KLF12: variants seen among roughly 807,000 people sequenced by gnomAD.
KLF12 encodes the protein KLF transcription factor 12.
In KLF12, 9 loss-of-function variants were observed where a neutral mutation model predicts 37.8. That is an observed-to-expected ratio of 0.24 (90% CI 0.14 to 0.42). The LOEUF is 0.42. Among genes scored for constraint, KLF12 ranks in the 10% least tolerant of loss-of-function variants. KLF12 has a pLI of 1.00. For missense variants in KLF12, 411 were observed against 516.0 expected (o/e 0.80, Z 1.97); for synonymous variants, 208 against 202.1 (o/e 1.03, Z -0.25).
intron 1 of KLF12, among the ~76,000 whole-genome samples, chr13:74,012,812 AC>A (rs147082948): frequency 0.071 from 10,788 of 152,272 alleles, 501 homozygotes; most frequent in Non-Finnish European, 0.1. Flanking sequence ...TACTTAAAAA[AC>A]AATCACATAT....
chr13:73,843,309 C>CTT (rs549107140), intron 4 of KLF12, among the ~76,000 whole-genome samples: 1 of 143,274 alleles, frequency 7.0e-6, no homozygotes, highest in African/African-American at 2.6e-5. Context: ...ACATTATGTT[C>CTT]TTTTTTTTTT....
chr13:74,144,720 G>A, the KLF12 span, among the ~76,000 whole-genome samples: 2 of 152,030 alleles, frequency 1.3e-5, no homozygotes. Context: ...CTATAGAAAG[G>A]GCAAATAAAT....
the KLF12 span, among the ~76,000 whole-genome samples, chr13:74,239,437 T>G: frequency 8.3e-6 from 1 of 120,312 alleles, no homozygotes; most frequent in Non-Finnish European, 1.7e-5. Flanking sequence ...GGTGGAGAGT[T>G]CTGTAGATGT....
At chr13:73,831,511 CCTTT>C (rs1884156060) in intron 4 of KLF12, among the ~76,000 whole-genome samples, 1 of 152,100 alleles carries the variant, frequency 6.6e-6, no homozygotes, top group Non-Finnish European at 1.5e-5. Context: ...GATAATTTAA[CCTTT>C]CTTTCATTAC....
At chr13:73,875,206 G>A (rs1157569493) in intron 3 of KLF12, among the ~76,000 whole-genome samples, 1 of 151,818 alleles carries the variant, frequency 6.6e-6, no homozygotes, top group Non-Finnish European at 1.5e-5. Flanking sequence ...ATATAAGTTA[G>A]GAAGCATAAT....
At chr13:73,889,925 A>C (rs1297857901) in intron 3 of KLF12, among the ~76,000 whole-genome samples, 5 of 152,136 alleles carry the variant, frequency 3.3e-5, no homozygotes, top group Non-Finnish European at 7.4e-5. Context: ...TAAAAAAAGA[A>C]CCTTAAAGCT....
intron 6 of KLF12, among the ~76,000 whole-genome samples, chr13:73,750,318 A>G (rs1261129100): frequency 2.0e-5 from 3 of 152,326 alleles, no homozygotes; most frequent in Non-Finnish European, 2.9e-5. Context: ...AATTTGGACA[A>G]AATCATTCAA....
At chr13:74,156,620 A>T in the KLF12 span, among the ~76,000 whole-genome samples, 1 of 150,958 alleles carries the variant, frequency 6.6e-6, no homozygotes, top group Non-Finnish European at 1.5e-5. Flanking sequence ...CCCACCCCCA[A>T]ACCCCCCACT....
At chr13:73,973,645 A>T (rs1891410826) in intron 2 of KLF12, among the ~76,000 whole-genome samples, 1 of 70,928 alleles carries the variant, frequency 1.4e-5, no homozygotes, top group African/African-American at 4.6e-5. Context: ...AACACAAGAC[A>T]TAGAACATCT....
At chr13:73,861,776 C>T (rs1206859880) in intron 3 of KLF12, among the ~76,000 whole-genome samples, 1 of 152,016 alleles carries the variant, frequency 6.6e-6, no homozygotes, top group African/African-American at 2.4e-5. Context: ...AACATATATA[C>T]ATGCACCTCC....
intron 3 of KLF12, among the ~76,000 whole-genome samples, chr13:73,873,015 A>G (rs1177627066): frequency 6.6e-6 from 1 of 152,110 alleles, no homozygotes. Context: ...TGGTGCTGTT[A>G]GGTGCCTCTC....
At chr13:73,812,939 T>C (rs947677390) in intron 5 of KLF12, 6 of 535,112 alleles carry the variant, frequency 1.1e-5, no homozygotes, top group African/African-American at 1.9e-5. Flanking sequence ...ACATAGGTCT[T>C]ATATCTCATC....
Position 74,073,083 on chromosome 13 carries a change from G to A in KLF12, c.-32+60656C>T, listed in dbSNP as rs544546004. Among the ~76,000 whole-genome samples the A allele has an allele frequency of 7.2e-5, 11 of 152,286 alleles. No homozygotes were observed. The South Asian group carries it at 1.4e-3, about 20-fold the overall frequency. On this transcript the variant is annotated intron_variant, in intron 1 of 7. Coordinates refer to ENST00000377669, the MANE Select transcript of KLF12 (RefSeq NM_007249.5). ...CAGATGCTCTCCTGCCTGCTGCCAC[G>A]TTAAGACGTGTCTTTGCTCCTCCTT... is the stretch of plus-strand genomic sequence containing the variant.
At chr13:73,818,300 T>C (rs1883345038) in intron 4 of KLF12, among the ~76,000 whole-genome samples, 1 of 152,242 alleles carries the variant, frequency 6.6e-6, no homozygotes, top group South Asian at 2.1e-4. Context: ...CGACAGCCAC[T>C]GCGCCGGCCG....
At chr13:74,107,267 A>G (rs1031267039) in intron 1 of KLF12, among the ~76,000 whole-genome samples, 7 of 152,238 alleles carry the variant, frequency 4.6e-5, no homozygotes, top group African/African-American at 7.2e-5. Context: ...GTGGGACATC[A>G]ACAGACCATA....
intron 3 of KLF12, among the ~76,000 whole-genome samples, chr13:73,898,571 A>C (rs1372154464): frequency 2.0e-5 from 3 of 152,150 alleles, no homozygotes; most frequent in African/African-American, 7.2e-5. Flanking sequence ...TAATGAAAAA[A>C]CTGGAGAGAA....
Position 73,959,124 on chromosome 13 carries a change from C to CA in KLF12, c.34-15055dup, listed in dbSNP as rs66521656. On this transcript the variant is annotated intron_variant, in intron 2 of 7. Coordinates refer to ENST00000377669, the MANE Select transcript of KLF12 (RefSeq NM_007249.5). ...ATCTCTGACCTCCACACCCCCCTTC[C>CA]AAAAAAAAACGCAGGCAAGAAAGAC... 1.8e-4 allele frequency among the ~76,000 whole-genome samples: 16 copies of CA among 86,834 alleles called. 1 individual carries two copies. The highest frequency in any genetic ancestry group is 3.3e-4 in the African/African-American group (9 of 27,316). 57.0% of individuals were successfully genotyped at this position (86,834 alleles called of 152,430 possible). A position where few individuals can be genotyped will look rare whatever the true frequency, so the allele number is the denominator to read the frequency against.
At chr13:73,774,408 A>G (rs867853999) in intron 5 of KLF12, among the ~76,000 whole-genome samples, 10 of 152,090 alleles carry the variant, frequency 6.6e-5, no homozygotes, top group African/African-American at 2.4e-4. Context: ...TTGGCCCTAC[A>G]GGAGATGTGG....
the KLF12 span, among the ~76,000 whole-genome samples, chr13:74,178,349 G>GT: frequency 0.04 from 6,067 of 152,226 alleles, 382 homozygotes; most frequent in African/African-American, 0.13. Context: ...GTTTTGTTTT[G>GT]TTTTTTACAC....
Sources: allele counts gnomAD v4.1 joint callset (sites outside exome capture counted in the v4.1 genomes callset), GRCh38; gene constraint gnomAD v4.1.1; transcripts MANE v1.5; gene names NCBI Gene and HGNC (gene_info 2026-07-23, HGNC 2026-07-21).